ATRNL1: variants seen among roughly 807,000 people sequenced by gnomAD.
ATRNL1 encodes attractin like 1.
A neutral mutation model predicts 182.7 loss-of-function variants in ATRNL1; 95 were observed. The observed-to-expected ratio is 0.52, with a 90% CI of 0.44 to 0.62. The LOEUF is 0.62. Ranked by LOEUF, ATRNL1 falls within the 20% of genes least tolerant of loss-of-function variation. The pLI, the probability that ATRNL1 is intolerant of heterozygous loss-of-function variation, is 0.00. For missense variants in ATRNL1, 1,471 were observed against 1,679.5 expected (o/e 0.88, Z 2.17); for synonymous variants, 576 against 568.3 (o/e 1.01, Z -0.19).
At chr10:115,802,709 CTAAA>C (rs2134238539) in intron 27 of ATRNL1, among the ~76,000 whole-genome samples, 2 of 152,128 alleles carry the variant, frequency 1.3e-5, no homozygotes, top group South Asian at 4.2e-4. Context: ...GGCTTTTAGT[CTAAA>C]TAGATATGAA....
intron 27 of ATRNL1, among the ~76,000 whole-genome samples, chr10:115,757,528 A>T (rs1948622278): frequency 6.6e-6 from 1 of 152,188 alleles, no homozygotes; most frequent in South Asian, 2.1e-4. Context: ...CAAGAAATCC[A>T]CTGTTAGTCT....
At chr10:115,909,297 G>A (rs1305561999) in intron 28 of ATRNL1, 3 of 152,110 alleles carry the variant, frequency 2.0e-5, no homozygotes, top group East Asian at 3.8e-4. Context: ...GTATGCGTCA[G>A]TTTCTTTATA....
intron 27 of ATRNL1, among the ~76,000 whole-genome samples, chr10:115,752,692 G>A (rs1270407059): frequency 2.6e-5 from 4 of 151,980 alleles, no homozygotes; most frequent in East Asian, 1.9e-4. Context: ...CCTCTATAGC[G>A]CTTGTAGTAC....
intron 6 of ATRNL1, among the ~76,000 whole-genome samples, chr10:115,160,456 A>AG (rs1846730432): frequency 6.6e-6 from 1 of 151,844 alleles, no homozygotes; most frequent in Non-Finnish European, 1.5e-5. Context: ...ATTCTGAGTA[A>AG]GAAAATATTA....
At chr10:115,439,319 T>C (rs1565043963) in intron 21 of ATRNL1, among the ~76,000 whole-genome samples, 1 of 151,846 alleles carries the variant, frequency 6.6e-6, no homozygotes, top group Non-Finnish European at 1.5e-5. Context: ...TGTATATCAA[T>C]CTAATTATTT....
chr10:115,409,044 A>T (rs1247420319), intron 20 of ATRNL1, among the ~76,000 whole-genome samples: 1 of 152,024 alleles, frequency 6.6e-6, no homozygotes, highest in African/African-American at 2.4e-5. Context: ...GATTGCTCTG[A>T]CTACTAAAGG....
chr10:115,605,556 G>A (rs1295623846), intron 26 of ATRNL1, among the ~76,000 whole-genome samples: 3 of 151,922 alleles, frequency 2.0e-5, no homozygotes, highest in African/African-American at 7.2e-5. Context: ...GGGTTTATGA[G>A]GGAATTAAAT....
chr10:115,489,421 C>T (rs1554975942), intron 24 of ATRNL1, among the ~76,000 whole-genome samples: 1 of 152,100 alleles, frequency 6.6e-6, no homozygotes. Context: ...GTATTGGGTG[C>T]ATATATATTT....
intron 24 of ATRNL1, among the ~76,000 whole-genome samples, chr10:115,506,743 A>G (rs1362788588): frequency 6.6e-6 from 1 of 152,058 alleles, no homozygotes; most frequent in Non-Finnish European, 1.5e-5. Flanking sequence ...GTATGCTCCC[A>G]GACCTCAGCA....
rs568849974 is a variant in ATRNL1 at position 115,429,448 on chromosome 10, C to T, written c.3322+3146C>T. On this transcript the variant is annotated intron_variant, in intron 21 of 28. Transcript: ENST00000355044. ...AATCACAGTGATGATAATAGATATC[C>T]TTATCAGGTAGGATGTTTATTATAA... is the stretch of plus-strand genomic sequence containing the variant. 5.3e-5 allele frequency among the ~76,000 whole-genome samples: 8 copies of T among 152,118 alleles called. 1 individual carries two copies. The South Asian group carries it at 1.7e-3, about 32-fold the overall frequency.
chr10:115,500,414 T>A (rs1554979807), intron 24 of ATRNL1, among the ~76,000 whole-genome samples: 1 of 152,122 alleles, frequency 6.6e-6, no homozygotes, highest in East Asian at 1.9e-4. Flanking sequence ...AAGACTAGAA[T>A]CTAACATCAG....
At chr10:115,628,250 A>T (rs1022743728) in intron 26 of ATRNL1, among the ~76,000 whole-genome samples, 1 of 151,916 alleles carries the variant, frequency 6.6e-6, no homozygotes, top group Admixed American at 6.6e-5. Context: ...GCCATCACTT[A>T]TTTTTGATTT....
rs139021487 is a variant in ATRNL1 at position 115,654,182 on chromosome 10, C to G, written c.3796-73066C>G. Among the ~76,000 whole-genome samples, 30 of 151,426 alleles carry G rather than the reference C, an allele frequency of 2.0e-4. 1 individual carries two copies. The East Asian group carries it at 5.8e-3, about 29-fold the overall frequency. On this transcript the variant is annotated intron_variant, in intron 26 of 28. Transcript: ENST00000355044. ...TTATTTGTTTGAGAGACTGGCATTG[C>G]TGTTGTAGACAGAATGGAAATCTGT...
At chr10:115,829,774 G>T (rs1275487008) in intron 27 of ATRNL1, among the ~76,000 whole-genome samples, 1 of 152,198 alleles carries the variant, frequency 6.6e-6, no homozygotes, top group South Asian at 2.1e-4. Context: ...AACACTAGAT[G>T]GCCCTAGAAG....
chr10:115,414,486 T>C (rs1419142156), intron 20 of ATRNL1, among the ~76,000 whole-genome samples: 1 of 146,432 alleles, frequency 6.8e-6, no homozygotes, highest in African/African-American at 2.8e-5. Flanking sequence ...ACTTCTAATT[T>C]TATGAATTTT....
At position 115,947,882 on chromosome 10, in the gene ATRNL1, T is replaced by G. The variant is rs1205228454; in HGVS notation, c.*3103T>G. 6.6e-6 allele frequency: 1 copy of G among 152,216 alleles called. No homozygotes were observed. Among genetic ancestry groups the G allele is most frequent in the Non-Finnish European group, 1.5e-5 (1 of 68,046 alleles). The allele number at this position is 152,216 out of a possible 1,614,324, so 9.4% of individuals were successfully genotyped here. On this transcript the variant is annotated 3_prime_UTR_variant, in exon 29 of 29. Transcript: ENST00000355044. Reference sequence around the variant, plus strand: ...TTCCATCTGTAAAGGGCGGTAATGGTGCCCACCTTTCGAGGCATTGCGAGG... The same window carrying G: ...TTCCATCTGTAAAGGGCGGTAATGGGGCCCACCTTTCGAGGCATTGCGAGG...
At chr10:115,886,371 G>A (rs564624966) in intron 28 of ATRNL1, among the ~76,000 whole-genome samples, 118 of 152,196 alleles carry the variant, frequency 7.8e-4, no homozygotes, top group Non-Finnish European at 1.4e-3. Flanking sequence ...AAAATTAGCC[G>A]GGTGTGGTGG....
In ATRNL1 at chr10:115,568,597, A is replaced by C. The variant is rs373389290; in HGVS notation, c.3795+19061A>C. Among the ~76,000 whole-genome samples, 3 of 152,096 alleles carry C rather than the reference A, an allele frequency of 2.0e-5. No individual in the cohort carries two copies. In the East Asian group the frequency reaches 5.8e-4, roughly 29 times the overall value. On this transcript the variant is annotated intron_variant, in intron 26 of 28. Coordinates refer to ENST00000355044, the MANE Select transcript of ATRNL1 (RefSeq NM_207303.4). Reference sequence around the variant, plus strand: ...CAGCAAGTTCTTAATGCTTGGAAAAAATTCAGCTTTTGTCTTAGCAAGAAT... The same window carrying C: ...CAGCAAGTTCTTAATGCTTGGAAAACATTCAGCTTTTGTCTTAGCAAGAAT...
chr10:115,858,357 C>T (rs1951234335), intron 28 of ATRNL1, among the ~76,000 whole-genome samples: 1 of 151,980 alleles, frequency 6.6e-6, no homozygotes, highest in Admixed American at 6.6e-5. Flanking sequence ...TACTATACAG[C>T]CATAAAAAGG....
Sources: allele counts gnomAD v4.1 joint callset (sites outside exome capture counted in the v4.1 genomes callset), GRCh38; gene constraint gnomAD v4.1.1; transcripts MANE v1.5; gene names NCBI Gene and HGNC (gene_info 2026-07-23, HGNC 2026-07-21).